The following PTPRG variants were observed in gnomAD, a reference collection of about 807,000 sequenced individuals.
PTPRG encodes the protein protein tyrosine phosphatase receptor type G, also known as receptor-type tyrosine-protein phosphatase gamma.
PTPRG carries 102 observed loss-of-function variants against 165.3 expected under a neutral mutation model. That is an observed-to-expected ratio of 0.62 (90% CI 0.53 to 0.73). The LOEUF is 0.73. Among genes scored for constraint, PTPRG ranks in the 30% least tolerant of loss-of-function variants. The probability of loss-of-function intolerance (pLI) is 0.00; values close to 1 mark genes in which losing one functional copy is unlikely to be tolerated. For synonymous variants in PTPRG, 675 were observed against 669.5 expected (o/e 1.01, Z -0.13); for missense variants, 1,866 against 1,861.4 (o/e 1.00, Z -0.05).
intron 5 of PTPRG, 95 bp from the exon 6 acceptor site, chr3:62,132,507 A>G: frequency 2.0e-6 from 2 of 1,000,772 alleles, no homozygotes; most frequent in Non-Finnish European, 1.6e-6. Flanking sequence ...GCTAGATAAC[A>G]TTCTATTCTC....
At chr3:61,693,664 C>T (rs1048301253) in intron 1 of PTPRG, among the ~76,000 whole-genome samples, 2 of 151,986 alleles carry the variant, frequency 1.3e-5, no homozygotes, top group African/African-American at 2.4e-5. Context: ...AAGATGAAGA[C>T]GTATTGAAAT....
At chr3:62,020,663 G>A (rs540156943) in intron 4 of PTPRG, among the ~76,000 whole-genome samples, 4 of 152,164 alleles carry the variant, frequency 2.6e-5, no homozygotes, top group Admixed American at 6.5e-5. Flanking sequence ...CAGCACCCAG[G>A]CCAGCAGCAA....
At chr3:62,108,714 C>T (rs1702561371) in intron 5 of PTPRG, among the ~76,000 whole-genome samples, 1 of 152,080 alleles carries the variant, frequency 6.6e-6, no homozygotes, top group Non-Finnish European at 1.5e-5. Flanking sequence ...CTTTTGTTTC[C>T]TGGCTTTGTA....
chr3:61,798,850 GAACA>G (rs2035143437), intron 2 of PTPRG, among the ~76,000 whole-genome samples: 1 of 151,982 alleles, frequency 6.6e-6, no homozygotes, highest in African/African-American at 2.4e-5. Flanking sequence ...AAGGTCAGTG[GAACA>G]GACCAGAGGC....
At chr3:61,681,075 A>AAAAAAG (rs999333286) in intron 1 of PTPRG, among the ~76,000 whole-genome samples, 5 of 150,306 alleles carry the variant, frequency 3.3e-5, no homozygotes, top group African/African-American at 9.8e-5. Context: ...AAAAAAAAAA[A>AAAAAAG]AAGAAGAAGA....
chr3:62,140,851 C>CAAAAAAAA (rs58630476), intron 6 of PTPRG, among the ~76,000 whole-genome samples: 29 of 71,172 alleles, frequency 4.1e-4, no homozygotes, highest in African/African-American at 1.4e-3. Flanking sequence ...GACTCGGTCT[C>CAAAAAAAA]AAAAAAAAAA....
intron 2 of PTPRG, among the ~76,000 whole-genome samples, chr3:61,936,238 A>G (rs1475557402): frequency 2.6e-5 from 4 of 152,318 alleles, no homozygotes; most frequent in African/African-American, 9.6e-5. Flanking sequence ...AGTTGCAGGA[A>G]TTTTGTTACA....
intron 2 of PTPRG, among the ~76,000 whole-genome samples, chr3:61,804,472 C>T (rs1005300189): frequency 5.3e-5 from 8 of 152,142 alleles, no homozygotes; most frequent in African/African-American, 1.2e-4. Context: ...CAAATGGAAC[C>T]GGAACCTTCT....
chr3:62,148,207 G>A (rs904046815), intron 6 of PTPRG, among the ~76,000 whole-genome samples: 1 of 152,112 alleles, frequency 6.6e-6, no homozygotes, highest in Non-Finnish European at 1.5e-5. Context: ...TGACATTTGA[G>A]CTCAGACATG....
chr3:61,974,722 C>T (rs1305498633), intron 2 of PTPRG, among the ~76,000 whole-genome samples: 1 of 152,130 alleles, frequency 6.6e-6, no homozygotes, highest in South Asian at 2.1e-4. Flanking sequence ...AACGTTGGTA[C>T]TTTTGTTAAT....
chr3:61,838,541 ACT>A (rs978568230), intron 2 of PTPRG, among the ~76,000 whole-genome samples: 2 of 151,858 alleles, frequency 1.3e-5, no homozygotes, highest in African/African-American at 4.8e-5. Context: ...TTCCTTTAAA[ACT>A]CTTCAACAGT....
chr3:61,917,827 G>A (rs2038979552), intron 2 of PTPRG, among the ~76,000 whole-genome samples: 1 of 152,162 alleles, frequency 6.6e-6, no homozygotes, highest in Non-Finnish European at 1.5e-5. Context: ...TAGCTACCAG[G>A]AGGCTGCGGC....
At chr3:61,693,597 T>C (rs924973491) in intron 1 of PTPRG, among the ~76,000 whole-genome samples, 1 of 152,162 alleles carries the variant, frequency 6.6e-6, no homozygotes, top group African/African-American at 2.4e-5. Flanking sequence ...GAGGCAGGCA[T>C]AATCTGCTGC....
chr3:61,776,043 G>A (rs549058994), intron 2 of PTPRG, among the ~76,000 whole-genome samples: 4 of 151,118 alleles, frequency 2.6e-5, no homozygotes, highest in South Asian at 4.2e-4. Context: ...AAACCTGCTC[G>A]TTGTGCACAT....
At chr3:62,220,582 G>C (rs145715337) in intron 13 of PTPRG, among the ~76,000 whole-genome samples, 2 of 152,150 alleles carry the variant, frequency 1.3e-5, no homozygotes, top group African/African-American at 4.8e-5. Context: ...GGCGTCTGAC[G>C]GTAACCATAA....
chr3:62,177,422 A>G (rs1035386604), intron 8 of PTPRG, among the ~76,000 whole-genome samples: 4 of 152,228 alleles, frequency 2.6e-5, no homozygotes, highest in African/African-American at 9.6e-5. Context: ...TCTTATCTGT[A>G]GGTCAGCAAT....
At chr3:61,706,677 A>G (rs1196985358) in intron 1 of PTPRG, among the ~76,000 whole-genome samples, 1 of 151,916 alleles carries the variant, frequency 6.6e-6, no homozygotes, top group Admixed American at 6.6e-5. Flanking sequence ...TTTAGTAGAG[A>G]TGGGGTTTCA....
At chr3:61,917,923 ACT>A (rs1336412275) in intron 2 of PTPRG, among the ~76,000 whole-genome samples, 1 of 152,130 alleles carries the variant, frequency 6.6e-6, no homozygotes, top group East Asian at 1.9e-4. Flanking sequence ...CAAGAGCGAA[ACT>A]CTGTCTCAAA....
At chr3:62,234,194 C>T (rs975436443) in intron 14 of PTPRG, among the ~76,000 whole-genome samples, 2 of 152,144 alleles carry the variant, frequency 1.3e-5, no homozygotes, top group Non-Finnish European at 2.9e-5. Flanking sequence ...GCATGGTATT[C>T]CTTTGTATAG....
Sources: allele counts gnomAD v4.1 joint callset (sites outside exome capture counted in the v4.1 genomes callset), GRCh38; gene constraint gnomAD v4.1.1; transcripts MANE v1.5; gene names NCBI Gene and HGNC (gene_info 2026-07-23, HGNC 2026-07-21).